The following CYP27C1 variants were observed in gnomAD, a reference collection of about 807,000 sequenced individuals.
CYP27C1 encodes cytochrome P450 family 27 subfamily C member 1, also known as cytochrome P450 27C1.
CYP27C1 carries 29 observed loss-of-function variants against 40.6 expected under a neutral mutation model. The observed-to-expected ratio is 0.71, with a 90% CI of 0.53 to 0.97. The LOEUF is 0.97. Ranked by LOEUF, CYP27C1 falls within the 50% of genes least tolerant of loss-of-function variation. The pLI is 0.00. For synonymous variants in CYP27C1, 198 were observed against 186.8 expected, an observed-to-expected ratio of 1.06 and a Z score of -0.49; for missense variants, 390 against 485.8, an observed-to-expected ratio of 0.80 and a Z score of 1.85.
rs749430078 is a variant in CYP27C1 at position 127,201,160 on chromosome 2, C to T, written c.845G>A (p.Arg282Gln). 1.7e-5 allele frequency: 27 copies of T among 1,613,816 alleles called. No homozygotes were observed. The highest frequency in any genetic ancestry group is 2.3e-5 in the Non-Finnish European group (27 of 1,180,036). The change falls in exon 4 of 9, where the codon CGG becomes CAG. Residue 282 changes from arginine (R) to glutamine (Q), a missense_variant. Transcript: ENST00000664447. This position sits in a 1 kb window ranked among gnomAD's most constrained non-coding sequence, Gnocchi z 6.0. ...WLRPFIPKPW[R>Q]EFCRSWDGLF... ...TCCATCCCAGGACCTGCAGAATTCC[C>T]GCCAGGGCTTTGGGATGAAGGGGCG...
intron 2 of CYP27C1, among the ~76,000 whole-genome samples, chr2:127,204,608 A>G (rs970208172): frequency 4.9e-5 from 5 of 102,580 alleles, no homozygotes; most frequent in African/African-American, 1.6e-4. Context: ...AAAGAAAGAA[A>G]GAAAGAAAGA....
rs770759857 is a variant in CYP27C1 at position 127,203,396 on chromosome 2, G to T, written c.649C>A (p.Leu217Ile). Residue 217 changes from leucine to isoleucine, a missense_variant, in exon 3 of 9, where the codon CTT becomes ATT. By Grantham distance (5) the Leu-to-Ile change is conservative (BLOSUM62 2). Coordinates refer to ENST00000664447, the MANE Select transcript of CYP27C1 (RefSeq NM_001367502.1). Reference protein sequence around the residue: ...DGETVTNVNDLFFKYSMEGVA... With the variant: ...DGETVTNVNDIFFKYSMEGVA... ...CCTTCCATTGAATATTTGAAGAAAA[G>T]ATCATTGACATTGGTCACGGTTTCT... 8.7e-6 allele frequency: 14 copies of T among 1,613,112 alleles called. No homozygotes were observed. The highest frequency in any genetic ancestry group is 3.3e-5 in the South Asian group (3 of 90,734).
chr2:127,214,080 C>T (rs1241967225), intron 1 of CYP27C1, among the ~76,000 whole-genome samples: 3 of 152,142 alleles, frequency 2.0e-5, no homozygotes, highest in East Asian at 1.9e-4. Context: ...ATAATGTATA[C>T]ATCACTGATC....
chr2:127,200,847 C>T lies in CYP27C1; in HGVS notation c.883+275G>A, dbSNP rs939932887. 1.3e-5 allele frequency among the ~76,000 whole-genome samples: 2 copies of T among 152,024 alleles called. No individual in the cohort carries two copies. Reference sequence around the variant, plus strand: ...GCATGGTGGCAGGTGCCTGTAATCGCAGCTACTCAGGAGGCTGAGGCATGA... The same window carrying T: ...GCATGGTGGCAGGTGCCTGTAATCGTAGCTACTCAGGAGGCTGAGGCATGA... On this transcript the variant is annotated intron_variant, in intron 4 of 8. Transcript: ENST00000664447. The surrounding 1 kb of genome is among the most constrained non-coding windows in gnomAD (Gnocchi z 4.2).
intron 2 of CYP27C1, among the ~76,000 whole-genome samples, chr2:127,204,555 G>GAGAGAGAGAAAGAAAGAA (rs1553503372): frequency 3.1e-4 from 12 of 39,176 alleles, no homozygotes; most frequent in Non-Finnish European, 3.0e-4. Context: ...GAGAGAGAGA[G>GAGAGAGAGAAAGAAAGAA]AGAAAGAAAG....
At chr2:127,211,369 G>GTTTTTTTTTTTTTTTTT (rs371826841) in intron 1 of CYP27C1, among the ~76,000 whole-genome samples, 4 of 94,974 alleles carry the variant, frequency 4.2e-5, no homozygotes, top group Non-Finnish European at 6.2e-5. Context: ...GTGTTTTTTT[G>GTTTTTTTTTTTTTTTTT]TTTTTTTTTT....
intron 1 of CYP27C1, among the ~76,000 whole-genome samples, chr2:127,214,203 A>G (rs907191126): frequency 6.6e-6 from 1 of 152,188 alleles, no homozygotes; most frequent in Non-Finnish European, 1.5e-5. Context: ...AAACTGAAAC[A>G]CTTTTACACT....
chr2:127,214,996 G>T (rs1009742935), intron 1 of CYP27C1, among the ~76,000 whole-genome samples: 3 of 151,820 alleles, frequency 2.0e-5, no homozygotes, highest in Non-Finnish European at 4.4e-5. Flanking sequence ...AGGCATGGTG[G>T]CGGGCGCCTG....
intron 8 of CYP27C1, 113 bp from the exon 9 acceptor site, chr2:127,187,500 C>T: frequency 1.2e-6 from 1 of 843,606 alleles, no homozygotes; most frequent in South Asian, 1.6e-5. Context: ...AGAGCGCAGG[C>T]AATGAGCACC....
At chr2:127,198,174 G>A in intron 5 of CYP27C1, among the ~76,000 whole-genome samples, 1 of 122,412 alleles carries the variant, frequency 8.2e-6, no homozygotes, top group South Asian at 2.6e-4. Context: ...CCATTCACAG[G>A]GAATTTGTTG....
intron 1 of CYP27C1, among the ~76,000 whole-genome samples, chr2:127,213,117 G>A (rs1417258773): frequency 6.6e-6 from 1 of 152,112 alleles, no homozygotes; most frequent in Non-Finnish European, 1.5e-5. Context: ...CAAGGAATGT[G>A]AAGGACCTCT....
Position 127,199,319 on chromosome 2 carries a change from G to T in CYP27C1, c.1047+57C>A, listed in dbSNP as rs541010597. ...CAAAAAAGTAGACAACGTCCATGAG[G>T]TGATGAGGAAGGGGTTATCGTGTGT... is the stretch of plus-strand genomic sequence containing the variant. On this transcript the variant is annotated intron_variant, in intron 5 of 8. Coordinates refer to ENST00000664447, the MANE Select transcript of CYP27C1 (RefSeq NM_001367502.1). 4.4e-4 allele frequency: 692 copies of T among 1,587,272 alleles called. 5 individuals are homozygous for T. The South Asian group carries it at 7.3e-3, about 17-fold the overall frequency.
In CYP27C1 at chr2:127,196,490, G is replaced by A. The variant is rs1330091034; in HGVS notation, c.1048-989C>T. On this transcript the variant is annotated intron_variant, in intron 5 of 8. Coordinates refer to ENST00000664447, the MANE Select transcript of CYP27C1 (RefSeq NM_001367502.1). This position sits in a 1 kb window ranked among gnomAD's most constrained non-coding sequence, Gnocchi z 4.5. The stretch of plus-strand genomic sequence containing the variant: ...CTATGGGACTACATTTCACTCTCTA[G>A]TAAACAAGGAAATGCCACAGTATAA... Among the ~76,000 whole-genome samples the A allele has an allele frequency of 6.6e-6, 1 of 151,134 alleles. No homozygotes were observed. Among genetic ancestry groups the A allele is most frequent in the African/African-American group, 2.4e-5 (1 of 40,970 alleles).
chr2:127,210,042 T>A (rs114935212), intron 1 of CYP27C1, among the ~76,000 whole-genome samples: 1,695 of 152,100 alleles, frequency 0.011, 34 homozygotes, highest in African/African-American at 0.039. Flanking sequence ...CACATTAAGA[T>A]CAACCCCAAG....
intron 6 of CYP27C1, among the ~76,000 whole-genome samples, chr2:127,194,840 T>G (rs1456120568): frequency 7.2e-6 from 1 of 138,878 alleles, no homozygotes; most frequent in African/African-American, 2.9e-5. Context: ...AAGATCTTTT[T>G]TCTTTTTTTT....
chr2:127,188,543 C>A (rs1682690716), intron 8 of CYP27C1, among the ~76,000 whole-genome samples: 1 of 152,118 alleles, frequency 6.6e-6, no homozygotes, highest in Non-Finnish European at 1.5e-5. Context: ...CGGCCTCTAA[C>A]ACTATTGAAA....
chr2:127,188,017 C>T (rs1025680156), intron 8 of CYP27C1, among the ~76,000 whole-genome samples: 4 of 152,142 alleles, frequency 2.6e-5, no homozygotes, highest in Admixed American at 6.6e-5. Flanking sequence ...ATTATCTCCC[C>T]CGGCGGCCGG....
intron 3 of CYP27C1, among the ~76,000 whole-genome samples, chr2:127,202,128 CT>C (rs1336482727): frequency 2.3e-3 from 315 of 138,188 alleles, no homozygotes; most frequent in Middle Eastern, 3.6e-3. Context: ...GACCAACATG[CT>C]TTTTTTTTTT....
chr2:127,204,551 GAGAGAGAAAGAA>G (rs1339935570), intron 2 of CYP27C1, among the ~76,000 whole-genome samples: 144 of 51,254 alleles, frequency 2.8e-3, no homozygotes, highest in African/African-American at 6.0e-3. Flanking sequence ...GAGAGAGAGA[GAGAGAGAAAGAA>G]AGAAAGAAAG....
Sources: allele counts gnomAD v4.1 joint callset (sites outside exome capture counted in the v4.1 genomes callset), GRCh38; gene constraint gnomAD v4.1.1; non-coding constraint Gnocchi (gnomAD v3.1); transcripts MANE v1.5; gene names NCBI Gene and HGNC (gene_info 2026-07-23, HGNC 2026-07-21).